Variants in POLR3D observed in about 807,000 individuals in gnomAD.
The protein encoded by POLR3D is DNA-directed RNA polymerase III subunit RPC4.
A neutral mutation model predicts 44.5 loss-of-function variants in POLR3D; 42 were observed. That is an observed-to-expected ratio of 0.94 (90% CI 0.74 to 1.22). The LOEUF (loss-of-function observed/expected upper bound fraction) is 1.22. POLR3D is among the 50% of genes most tolerant of loss of function. The pLI is 0.00. For synonymous variants in POLR3D, 217 were observed against 198.1 expected (o/e 1.10, Z -0.80); for missense variants, 507 against 505.2 (o/e 1.00, Z -0.03).
At chr8:22,248,337 G>T in intron 5 of POLR3D, 59 bp downstream of exon 5, 1 of 1,596,158 alleles carries the variant, frequency 6.3e-7, no homozygotes, top group Non-Finnish European at 8.5e-7. Flanking sequence ...AGGGCTTCTG[G>T]GGAGCCAGGT....
At position 22,248,987 on chromosome 8, in the gene POLR3D, G is replaced by A. The variant is rs1830071529; in HGVS notation, c.656-57G>A. On this transcript the variant is annotated intron_variant, in intron 6 of 8. Coordinates refer to ENST00000306433, the MANE Select transcript of POLR3D (RefSeq NM_001722.3). ...AGACAGGGGCAAAGGGCTGGTAACA[G>A]TGAGCTGGTATGGAGGGTGGTCACT... The A allele has an allele frequency of 2.5e-6, 4 of 1,587,934 alleles. No homozygotes were observed. The African/African-American group carries it at 4.0e-5, about 16-fold the overall frequency.
chr8:22,246,797 C>T (rs966762254), intron 2 of POLR3D, among the ~76,000 whole-genome samples: 72 of 152,224 alleles, frequency 4.7e-4, no homozygotes, highest in Admixed American at 2.0e-4. Flanking sequence ...GGTGACAGTC[C>T]ATAGTCACCT....
Position 22,247,922 on chromosome 8 carries a change from G to C in POLR3D, c.275G>C (p.Gly92Ala). 1 of 1,614,126 alleles carries C rather than the reference G, an allele frequency of 6.2e-7. No individual in the cohort carries two copies. The change falls in exon 4 of 9, where the codon GGG becomes GCG. Residue 92 changes from glycine to alanine, a missense_variant. By Grantham distance (60) the Gly-to-Ala change is moderately conservative. Transcript: ENST00000306433. ...RERDRDRQRE[G>A]HGRGRGRPEV... ...AGGGACAGAGACCGACAACGAGAGGGGCATGGACGAGGGCGAGGCCGTCCA... is the reference window on the plus strand; with the variant it reads ...AGGGACAGAGACCGACAACGAGAGGCGCATGGACGAGGGCGAGGCCGTCCA...
chr8:22,248,980 G>A, intron 6 of POLR3D, 64 bp from the exon 7 acceptor site: 1 of 1,571,464 alleles, frequency 6.4e-7, no homozygotes, highest in South Asian at 1.2e-5. Flanking sequence ...GCAAAGGGCT[G>A]GTAACAGTGA....
Position 22,250,777 on chromosome 8 carries a change from A to C in POLR3D, c.*259A>C, listed in dbSNP as rs1223781905. 1 of 467,652 alleles carries C rather than the reference A, an allele frequency of 2.1e-6. No homozygotes were observed. Among genetic ancestry groups the C allele is most frequent in the Non-Finnish European group, 3.9e-6 (1 of 253,474 alleles). The allele number at this position is 467,652 out of a possible 1,614,324, so 29.0% of individuals were successfully genotyped here. On this transcript the variant is annotated 3_prime_UTR_variant, in exon 9 of 9. Coordinates refer to ENST00000306433, the MANE Select transcript of POLR3D (RefSeq NM_001722.3). ...TATTTATTTTTGTATTTATGTCTTA[A>C]TCTCTTCCACTGATGCATCCTCCAA...
intron 2 of POLR3D, among the ~76,000 whole-genome samples, chr8:22,245,908 A>C (rs993675558): frequency 5.3e-5 from 8 of 152,234 alleles, no homozygotes; most frequent in African/African-American, 1.9e-4. Context: ...GGACATCTTT[A>C]AGAAACCCAT....
In POLR3D at chr8:22,252,437, CTTCTGTT is replaced by C. The variant is rs1254834599; in HGVS notation, c.*1925_*1931del. The C allele has an allele frequency of 1.3e-5, 2 of 152,308 alleles. No homozygotes were observed. The highest frequency in any genetic ancestry group is 2.9e-5 in the Non-Finnish European group (2 of 68,040). 9.4% of individuals were successfully genotyped at this position (152,308 alleles called of 1,614,324 possible). On this transcript the variant is annotated 3_prime_UTR_variant, in exon 9 of 9. Transcript: ENST00000306433. ...TGTTAGATATTGGGTATTTTTCAAT[CTTCTGTT>C]TTCTGACCCTTCCAAGAAAGTTTGA... is the stretch of plus-strand genomic sequence containing the variant.
chr8:22,249,587 TG>T (rs1830082029), intron 7 of POLR3D, among the ~76,000 whole-genome samples: 1 of 152,126 alleles, frequency 6.6e-6, no homozygotes, highest in Non-Finnish European at 1.5e-5. Flanking sequence ...CCCAGCGCTT[TG>T]GGAGGCTGAG....
chr8:22,250,331 C>T (rs1033550717), intron 8 of POLR3D, 65 bp from the exon 9 acceptor site: 2 of 1,610,578 alleles, frequency 1.2e-6, no homozygotes, highest in African/African-American at 1.3e-5. Flanking sequence ...ATCATGTCCC[C>T]ATTCACAGCT....
chr8:22,252,343 CTCTT>C lies in POLR3D; in HGVS notation c.*1829_*1832del, dbSNP rs1830111901. The C allele has an allele frequency of 6.5e-6, 1 of 153,584 alleles. No homozygotes were observed. The highest frequency in any genetic ancestry group is 1.5e-5 in the Non-Finnish European group (1 of 68,054). 9.5% of individuals were successfully genotyped at this position (153,584 alleles called of 1,614,324 possible). ...GCCAGCAGGTCTCCATTCTCATCCT[CTCTT>C]TCTATTCTGTTTCTTTGGTTCAGAA... On this transcript the variant is annotated 3_prime_UTR_variant, in exon 9 of 9. Transcript: ENST00000306433.
At chr8:22,245,350 G>A (rs1830027395) in intron 1 of POLR3D, 95 bp from the exon 2 acceptor site, 1 of 898,356 alleles carries the variant, frequency 1.1e-6, no homozygotes, top group Non-Finnish European at 1.5e-6. Flanking sequence ...CTGGAGGGAC[G>A]CACCGACTGG....
rs182232432 is a variant in POLR3D, at chr8:22,253,823, A to T, written c.*3305A>T. The T allele has an allele frequency of 7.9e-5, 12 of 152,220 alleles. No individual in the cohort carries two copies. The highest frequency in any genetic ancestry group is 7.9e-4 in the Admixed American group (12 of 15,280). 9.4% of individuals were successfully genotyped at this position (152,220 alleles called of 1,614,324 possible). On this transcript the variant is annotated 3_prime_UTR_variant, in exon 9 of 9. Transcript: ENST00000306433. ...CCCAGATAGCTGGGATTACAGGCAC[A>T]TGCCACCACACCTGGCTAATTTTTG...
rs867386537 is a variant in POLR3D, at chr8:22,248,214, A to G, written c.422A>G (p.Lys141Arg). The change falls in exon 5 of 9, where the codon AAA becomes AGA. Residue 141 changes from lysine to arginine, a missense_variant. By Grantham distance (26) the Lys-to-Arg change is conservative. Transcript: ENST00000306433. ...GGACCTTCTCATATCATCAACATCA[A>G]AAAAGAGAAGAGAGAGACAGACGAA... ...DMGPSHIINI[K>R]KEKRETDEET... is the part of the protein sequence containing the mutation. The G allele has an allele frequency of 8.1e-6, 13 of 1,614,100 alleles. No homozygotes were observed. Among genetic ancestry groups the G allele is most frequent in the African/African-American group, 1.3e-5 (1 of 74,924 alleles).
At position 22,254,189 on chromosome 8, in the gene POLR3D, A is replaced by G. The variant is rs888249962; in HGVS notation, c.*3671A>G. Reference sequence around the variant, plus strand: ...CCACTTATAAGTGAGAACATGTGCTATTTGATTTTCTGTTTCCGAGGTTAG... The same window carrying G: ...CCACTTATAAGTGAGAACATGTGCTGTTTGATTTTCTGTTTCCGAGGTTAG... On this transcript the variant is annotated 3_prime_UTR_variant, in exon 9 of 9. Coordinates refer to ENST00000306433, the MANE Select transcript of POLR3D (RefSeq NM_001722.3). 6.6e-6 allele frequency: 1 copy of G among 151,942 alleles called. No individual in the cohort carries two copies. Among genetic ancestry groups the G allele is most frequent in the African/African-American group, 2.4e-5 (1 of 41,326 alleles). The allele number at this position is 151,942 out of a possible 1,614,324, so 9.4% of individuals were successfully genotyped here.
rs779459481 is a variant in POLR3D, at chr8:22,250,447, C to T, written c.1126C>T (p.Leu376=). ...GDSRTGEMTV[L]GHVKHKLVCS... is the part of the protein sequence containing the mutation. ...CAGTAGGACAGGGGAGATGACAGTC[C>T]TGGGACACGTGAAGCACAAACTTGT... The change falls in exon 9 of 9, where the codon CTG becomes TTG. Residue 376 remains leucine, a synonymous_variant. Coordinates refer to ENST00000306433, the MANE Select transcript of POLR3D (RefSeq NM_001722.3). 1.3e-5 allele frequency: 21 copies of T among 1,614,062 alleles called. 1 individual carries two copies. In the South Asian group the frequency reaches 2.3e-4, roughly 18 times the overall value.
At position 22,251,687 on chromosome 8, in the gene POLR3D, G is replaced by A. The variant is rs1241341691; in HGVS notation, c.*1169G>A. 3 of 152,706 alleles carry A rather than the reference G, an allele frequency of 2.0e-5. No individual in the cohort carries two copies. Among genetic ancestry groups the A allele is most frequent in the African/African-American group, 4.8e-5 (2 of 41,438 alleles). 9.5% of individuals were successfully genotyped at this position (152,706 alleles called of 1,614,324 possible). On this transcript the variant is annotated 3_prime_UTR_variant, in exon 9 of 9. Coordinates refer to ENST00000306433, the MANE Select transcript of POLR3D (RefSeq NM_001722.3). ...CACCTACTCAGTGTTACTTTTTTGGGTCTGTGATCCTGTTCCCTTTACCAG... is the reference window on the plus strand; with the variant it reads ...CACCTACTCAGTGTTACTTTTTTGGATCTGTGATCCTGTTCCCTTTACCAG...
Position 22,245,147 on chromosome 8 carries a change from C to A in POLR3D, c.-42C>A. 3.4e-6 allele frequency: 2 copies of A among 583,386 alleles called. No homozygotes were observed. Among genetic ancestry groups the A allele is most frequent in the Non-Finnish European group, 3.3e-6 (1 of 302,236 alleles). The allele number at this position is 583,386 out of a possible 1,614,324, so 36.1% of individuals were successfully genotyped here. A position where few individuals can be genotyped will look rare whatever the true frequency, so the allele number is the denominator to read the frequency against. ...CCCTGCCACGCAGACTTCCGCCCGG[C>A]GCGGAGACCGAAGGCTGGCGGCTGG... On this transcript the variant is annotated 5_prime_UTR_variant, in exon 1 of 9. Transcript: ENST00000306433.
At chr8:22,248,416 C>T in intron 5 of POLR3D, 65 bp from the exon 6 acceptor site, 2 of 1,586,128 alleles carry the variant, frequency 1.3e-6, no homozygotes, top group Non-Finnish European at 1.7e-6. Flanking sequence ...TAGAAAGGGA[C>T]TAAAGCAGAC....
At chr8:22,247,294 C>T in intron 3 of POLR3D, 30 bp downstream of exon 3, 1 of 1,570,324 alleles carries the variant, frequency 6.4e-7, no homozygotes, top group Non-Finnish European at 8.7e-7. Context: ...GAATACTTGC[C>T]CCTTATTTAC....
Sources: allele counts gnomAD v4.1 joint callset (sites outside exome capture counted in the v4.1 genomes callset), GRCh38; gene constraint gnomAD v4.1.1; transcripts MANE v1.5; gene names NCBI Gene and HGNC (gene_info 2026-07-23, HGNC 2026-07-21).